The following MMP16 variants were observed in gnomAD, a reference collection of about 807,000 sequenced individuals.
MMP16 encodes matrix metallopeptidase 16.
Under a neutral mutation model 67.8 loss-of-function variants are expected in MMP16, and 12 were observed. The ratio of observed to expected loss-of-function variants is 0.18; its 90% CI spans 0.11 to 0.29. The LOEUF (loss-of-function observed/expected upper bound fraction) is 0.29. MMP16 is among the 10% of genes least tolerant of loss of function. The pLI is 1.00. For synonymous variants in MMP16, 249 were observed against 255.9 expected (o/e 0.97, Z 0.26); for missense variants, 475 against 765.7 (o/e 0.62, Z 4.48).
At chr8:88,054,408 G>C (rs1041601717) in intron 8 of MMP16, among the ~76,000 whole-genome samples, 8 of 152,182 alleles carry the variant, frequency 5.3e-5, no homozygotes, top group Non-Finnish European at 1.2e-4. Context: ...TAAAGAATAT[G>C]TTATAAGTCT....
At chr8:88,137,137 G>A (rs1808133108) in intron 4 of MMP16, among the ~76,000 whole-genome samples, 1 of 151,840 alleles carries the variant, frequency 6.6e-6, no homozygotes, top group South Asian at 2.1e-4. Flanking sequence ...TAATGATGTT[G>A]ACAAATTTTC....
At chr8:88,232,966 A>G (rs998414711) in intron 1 of MMP16, among the ~76,000 whole-genome samples, 1 of 152,194 alleles carries the variant, frequency 6.6e-6, no homozygotes, top group African/African-American at 2.4e-5. Context: ...GAAGAGTTAG[A>G]TTCTGAAGTC....
intron 1 of MMP16, among the ~76,000 whole-genome samples, chr8:88,199,312 C>G (rs941552298): frequency 1.3e-5 from 2 of 151,952 alleles, no homozygotes; most frequent in African/African-American, 4.8e-5. Context: ...GCCTTTCAAA[C>G]AAATGTTTTA....
intron 1 of MMP16, among the ~76,000 whole-genome samples, chr8:88,324,288 C>T (rs986193672): frequency 9.2e-5 from 14 of 152,178 alleles, no homozygotes; most frequent in Non-Finnish European, 1.6e-4. Flanking sequence ...TCTCTCACTT[C>T]GATAATTGAC....
At chr8:88,205,490 C>A (rs1809412289) in intron 1 of MMP16, among the ~76,000 whole-genome samples, 1 of 152,202 alleles carries the variant, frequency 6.6e-6, no homozygotes, top group Non-Finnish European at 1.5e-5. Context: ...GGGTATAACA[C>A]TAACTCCTAC....
chr8:88,201,587 C>T (rs1563560753), intron 1 of MMP16, among the ~76,000 whole-genome samples: 1 of 152,044 alleles, frequency 6.6e-6, no homozygotes, highest in Non-Finnish European at 1.5e-5. Context: ...CAAATTTTAA[C>T]ATACTAACAA....
At chr8:88,295,647 C>CT (rs1419462443) in intron 1 of MMP16, among the ~76,000 whole-genome samples, 1 of 151,934 alleles carries the variant, frequency 6.6e-6, no homozygotes, top group Admixed American at 6.6e-5. Flanking sequence ...TTTCAAGTGT[C>CT]TTTTTTTAAT....
chr8:88,282,753 T>C (rs1304615881), intron 1 of MMP16, among the ~76,000 whole-genome samples: 6 of 152,208 alleles, frequency 3.9e-5, no homozygotes, highest in African/African-American at 1.2e-4. Context: ...AAAATAGTTA[T>C]GGGAATTAGT....
At chr8:88,136,569 T>C (rs542322114) in intron 4 of MMP16, among the ~76,000 whole-genome samples, 1 of 151,512 alleles carries the variant, frequency 6.6e-6, no homozygotes, top group Non-Finnish European at 1.5e-5. Context: ...TATCAGAGCC[T>C]GATAACCACA....
intron 1 of MMP16, among the ~76,000 whole-genome samples, chr8:88,206,625 T>A (rs1449143724): frequency 2.0e-5 from 3 of 152,212 alleles, no homozygotes; most frequent in Non-Finnish European, 4.4e-5. Context: ...GGATACATAA[T>A]TATCTTACTT....
chr8:88,158,298 A>T (rs1808550056), intron 4 of MMP16, among the ~76,000 whole-genome samples: 1 of 152,200 alleles, frequency 6.6e-6, no homozygotes, highest in South Asian at 2.1e-4. Context: ...ACAGTGTAAA[A>T]GTGTTCCTAT....
At chr8:88,298,516 G>GA (rs1811046218) in intron 1 of MMP16, among the ~76,000 whole-genome samples, 1 of 152,158 alleles carries the variant, frequency 6.6e-6, no homozygotes, top group South Asian at 2.1e-4. Flanking sequence ...TCGGCAGCAT[G>GA]AAAAATCACA....
intron 1 of MMP16, among the ~76,000 whole-genome samples, chr8:88,286,005 T>C (rs1039609811): frequency 6.6e-6 from 1 of 152,190 alleles, no homozygotes; most frequent in South Asian, 2.1e-4. Context: ...ACCCACTCCA[T>C]TTGGGTTGAG....
intron 4 of MMP16, among the ~76,000 whole-genome samples, chr8:88,147,979 G>T (rs769522729): frequency 1.3e-5 from 2 of 151,894 alleles, no homozygotes; most frequent in Non-Finnish European, 2.9e-5. Context: ...ACTATTTTCC[G>T]TATCTCCTAA....
intron 7 of MMP16, chr8:88,069,359 G>C (rs1326042525): frequency 2.3e-6 from 1 of 432,016 alleles, no homozygotes; most frequent in Non-Finnish European, 4.7e-6. Context: ...TTCAATTCCT[G>C]ATTGTTCTTT....
chr8:88,098,184 A>ATTGT (rs1809062243), intron 6 of MMP16, among the ~76,000 whole-genome samples: 2 of 152,010 alleles, frequency 1.3e-5, no homozygotes. Flanking sequence ...AGGGACAGAC[A>ATTGT]CATTGGACTA....
intron 4 of MMP16, among the ~76,000 whole-genome samples, chr8:88,121,474 T>A (rs1434467797): frequency 1.3e-5 from 2 of 152,150 alleles, no homozygotes; most frequent in East Asian, 3.9e-4. Context: ...TGATTTGAAT[T>A]CCACTAGGAA....
chr8:88,118,865 T>C lies in MMP16; in HGVS notation c.710-4A>G, dbSNP rs1412138190. On this transcript the variant is annotated splice_region_variant and splice_polypyrimidine_tract_variant and intron_variant, in intron 4 of 9. Coordinates refer to ENST00000286614, the MANE Select transcript of MMP16 (RefSeq NM_005941.5). ...GCTACAAGAAATAAGTCATTTCCTG[T>C]GTGAACAAGAAGAAAATAAGTTTTT... 1 of 1,611,656 alleles carries C rather than the reference T, an allele frequency of 6.2e-7. No individual in the cohort carries two copies. Among genetic ancestry groups the C allele is most frequent in the Non-Finnish European group, 8.5e-7 (1 of 1,179,002 alleles).
chr8:88,066,392 G>A (rs1165700609), intron 7 of MMP16, among the ~76,000 whole-genome samples: 1 of 149,904 alleles, frequency 6.7e-6, no homozygotes, highest in Non-Finnish European at 1.5e-5. Context: ...CAGTTGCTGG[G>A]AAAAAAAAAC....
Sources: gnomAD v4.1 joint callset for allele counts (sites outside exome capture counted in the v4.1 genomes callset) on GRCh38, gnomAD v4.1.1 for gene constraint, MANE v1.5 for transcripts, NCBI Gene and HGNC (gene_info 2026-07-23, HGNC 2026-07-21) for gene names.